The following RAB3C variants were observed in gnomAD, a reference collection of about 807,000 sequenced individuals.
The protein encoded by RAB3C is RAB3C, member RAS oncogene family.
Under a neutral mutation model 26.4 loss-of-function variants are expected in RAB3C, and 17 were observed. The observed-to-expected ratio is 0.64, with a 90% CI of 0.44 to 0.97. The LOEUF is 0.97. Among genes scored for constraint, RAB3C ranks in the 50% least tolerant of loss-of-function variants. RAB3C has a pLI of 0.00. For missense variants in RAB3C, 242 were observed against 281.9 expected, an observed-to-expected ratio of 0.86 and a Z score of 1.01; for synonymous variants, 91 against 95.9, an observed-to-expected ratio of 0.95 and a Z score of 0.30.
intron 2 of RAB3C, among the ~76,000 whole-genome samples, chr5:58,656,805 C>T (rs958296369): frequency 6.6e-6 from 1 of 152,134 alleles, no homozygotes; most frequent in Non-Finnish European, 1.5e-5. Context: ...ACCAGTACAA[C>T]CACTATGGAA....
At position 58,751,818 on chromosome 5, in the gene RAB3C, G is replaced by A. The variant is rs531276496; in HGVS notation, c.371+25698G>A. Among the ~76,000 whole-genome samples, 149 of 152,302 alleles carry A rather than the reference G, an allele frequency of 9.8e-4. 3 individuals are homozygous for A. The South Asian group carries it at 0.03, about 30-fold the overall frequency. ...TGCTGTTTCAGTAGTTTTAAATAAA[G>A]TTGTGAATTAATGACTTAAATGTAG... is the stretch of plus-strand genomic sequence containing the variant. On this transcript the variant is annotated intron_variant, in intron 3 of 4. Transcript: ENST00000282878.
intron 3 of RAB3C, among the ~76,000 whole-genome samples, chr5:58,736,680 A>C (rs1741143971): frequency 6.6e-6 from 1 of 152,204 alleles, no homozygotes; most frequent in African/African-American, 2.4e-5. Flanking sequence ...TTATAAGGAC[A>C]TAGTCATATT....
At chr5:58,688,692 A>G (rs761288113) in intron 2 of RAB3C, among the ~76,000 whole-genome samples, 9 of 152,074 alleles carry the variant, frequency 5.9e-5, no homozygotes, top group Non-Finnish European at 1.2e-4. Flanking sequence ...ACTTTGTGTG[A>G]CTTATTGATA....
chr5:58,586,787 A>T (rs189947372), intron 1 of RAB3C, among the ~76,000 whole-genome samples: 1 of 152,280 alleles, frequency 6.6e-6, no homozygotes, highest in East Asian at 1.9e-4. Context: ...CTATAGATGT[A>T]GGCTGAAGAT....
At chr5:58,740,354 C>G (rs2111945252) in intron 3 of RAB3C, among the ~76,000 whole-genome samples, 1 of 152,298 alleles carries the variant, frequency 6.6e-6, no homozygotes, top group Middle Eastern at 3.4e-3. Context: ...CCCCACCCAG[C>G]CATCCCAGCC....
At chr5:58,660,982 T>A (rs1747893334) in intron 2 of RAB3C, among the ~76,000 whole-genome samples, 1 of 146,216 alleles carries the variant, frequency 6.8e-6, no homozygotes, top group Admixed American at 6.8e-5. Context: ...ACTAACAGCC[T>A]CTCTCACACA....
At chr5:58,786,969 G>A (rs1350284807) in intron 3 of RAB3C, among the ~76,000 whole-genome samples, 1 of 151,984 alleles carries the variant, frequency 6.6e-6, no homozygotes, top group Non-Finnish European at 1.5e-5. Context: ...AGCACAAGAG[G>A]CTCCGAGATA....
At chr5:58,833,373 A>G (rs1743665169) in intron 4 of RAB3C, among the ~76,000 whole-genome samples, 1 of 129,694 alleles carries the variant, frequency 7.7e-6, no homozygotes, top group Non-Finnish European at 1.8e-5. Context: ...TATTAAGTAA[A>G]TCAGAATATC....
intron 3 of RAB3C, among the ~76,000 whole-genome samples, chr5:58,764,728 G>A (rs760178583): frequency 1.3e-5 from 2 of 152,030 alleles, no homozygotes; most frequent in East Asian, 1.9e-4. Flanking sequence ...AAAATCTGCC[G>A]ATAATAACTT....
At chr5:58,612,518 G>GTATATATATATATATATGTATATATATA (rs1554044127) in intron 1 of RAB3C, among the ~76,000 whole-genome samples, 2 of 40,582 alleles carry the variant, frequency 4.9e-5, no homozygotes, top group African/African-American at 1.6e-4. Flanking sequence ...GTGTGTGTGT[G>GTATATATATATATATATGTATATATATA]TGTATATATA....
chr5:58,647,130 A>G (rs1561277641), intron 2 of RAB3C, among the ~76,000 whole-genome samples: 1 of 152,228 alleles, frequency 6.6e-6, no homozygotes, highest in Non-Finnish European at 1.5e-5. Context: ...AAGTAAAGTC[A>G]GCTCTCAGGA....
intron 3 of RAB3C, among the ~76,000 whole-genome samples, chr5:58,819,415 CTG>C (rs1281730459): frequency 2.0e-5 from 3 of 152,180 alleles, no homozygotes; most frequent in African/African-American, 7.2e-5. Flanking sequence ...ATATGCATAA[CTG>C]TGGGTCTTTC....
rs187083875 is a variant in RAB3C, at chr5:58,835,166, T to A, written c.496+10004T>A. Among the ~76,000 whole-genome samples, 84 of 152,230 alleles carry A rather than the reference T, an allele frequency of 5.5e-4. 1 individual carries two copies. Among genetic ancestry groups the A allele is most frequent in the Admixed American group, 5.2e-3 (80 of 15,286 alleles). On this transcript the variant is annotated intron_variant, in intron 4 of 4. Coordinates refer to ENST00000282878, the MANE Select transcript of RAB3C (RefSeq NM_138453.4). ...TCTTTGTTTTTTATGCTGCCCTTCT[T>A]CTAAACCTCTACTTATTTTTTCTCA... is the stretch of plus-strand genomic sequence containing the variant.
At chr5:58,722,859 A>G (rs1389939856) in intron 2 of RAB3C, among the ~76,000 whole-genome samples, 2 of 151,898 alleles carry the variant, frequency 1.3e-5, no homozygotes, top group African/African-American at 4.8e-5. Flanking sequence ...TTTTTATTTT[A>G]AAATATTTAT....
intron 2 of RAB3C, among the ~76,000 whole-genome samples, chr5:58,657,218 C>A (rs1228896363): frequency 1.3e-5 from 2 of 151,502 alleles, no homozygotes; most frequent in African/African-American, 4.9e-5. Context: ...ATACAATGGA[C>A]TTTGAGGACT....
At chr5:58,733,221 ATGAG>A (rs1377847941) in intron 3 of RAB3C, among the ~76,000 whole-genome samples, 1 of 152,206 alleles carries the variant, frequency 6.6e-6, no homozygotes, top group Non-Finnish European at 1.5e-5. Flanking sequence ...TATTCATGGA[ATGAG>A]TGAGTAAAAC....
intron 2 of RAB3C, among the ~76,000 whole-genome samples, chr5:58,724,247 A>T (rs1230144213): frequency 6.6e-6 from 1 of 151,670 alleles, no homozygotes; most frequent in Non-Finnish European, 1.5e-5. Context: ...CTTTACATGA[A>T]TTACTTCATG....
At chr5:58,587,713 T>A (rs1026751213) in intron 1 of RAB3C, among the ~76,000 whole-genome samples, 1 of 152,164 alleles carries the variant, frequency 6.6e-6, no homozygotes, top group African/African-American at 2.4e-5. Flanking sequence ...CCTTCATGGT[T>A]TTTCCTAATT....
At chr5:58,587,440 G>T (rs978366297) in intron 1 of RAB3C, among the ~76,000 whole-genome samples, 1 of 152,092 alleles carries the variant, frequency 6.6e-6, no homozygotes, top group Non-Finnish European at 1.5e-5. Flanking sequence ...TGGCTCAGAG[G>T]TTCTGTGGGA....
Sources: gnomAD v4.1 joint callset for allele counts (sites outside exome capture counted in the v4.1 genomes callset) on GRCh38, gnomAD v4.1.1 for gene constraint, MANE v1.5 for transcripts, NCBI Gene and HGNC (gene_info 2026-07-23, HGNC 2026-07-21) for gene names.